TEAD1: variants seen among roughly 807,000 people sequenced by gnomAD.
TEAD1 encodes TEA domain transcription factor 1.
In TEAD1, 9 loss-of-function variants were observed where a neutral mutation model predicts 54.9. The observed-to-expected ratio is 0.16, with a 90% CI of 0.10 to 0.29. The LOEUF (loss-of-function observed/expected upper bound fraction) is 0.29, where lower values mean the gene tolerates loss of function less well. Among genes scored for constraint, TEAD1 ranks in the 10% least tolerant of loss-of-function variants. The pLI, the probability that TEAD1 is intolerant of heterozygous loss-of-function variation, is 1.00. For missense variants in TEAD1, 387 were observed against 535.9 expected (o/e 0.72, Z 2.74); for synonymous variants, 200 against 187.8 (o/e 1.07, Z -0.53).
intron 3 of TEAD1, among the ~76,000 whole-genome samples, chr11:12,789,907 T>G (rs1395262935): frequency 1.3e-5 from 2 of 152,184 alleles, no homozygotes; most frequent in African/African-American, 2.4e-5. Context: ...CCCACCTTGG[T>G]GGGGGGCTGC....
intron 3 of TEAD1, among the ~76,000 whole-genome samples, chr11:12,791,778 T>G (rs1390379418): frequency 6.6e-6 from 1 of 152,156 alleles, no homozygotes; most frequent in East Asian, 1.9e-4. Flanking sequence ...GGAAAATGCA[T>G]CCTTAATTAA....
chr11:12,717,984 G>A (rs1453350028), intron 2 of TEAD1, among the ~76,000 whole-genome samples: 1 of 152,230 alleles, frequency 6.6e-6, no homozygotes, highest in African/African-American at 2.4e-5. Flanking sequence ...AACCATGTCT[G>A]GCTCATAGTG....
chr11:12,821,566 C>T (rs1946545713), intron 3 of TEAD1, among the ~76,000 whole-genome samples: 1 of 152,108 alleles, frequency 6.6e-6, no homozygotes, highest in African/African-American at 2.4e-5. Context: ...ATTGGGGGTT[C>T]CCTGAGCATG....
At chr11:12,879,646 G>C (rs562394444) in intron 5 of TEAD1, 62 bp from the exon 6 acceptor site, 90 of 1,611,332 alleles carry the variant, frequency 5.6e-5, no homozygotes, top group Non-Finnish European at 7.1e-5. Flanking sequence ...GGCTGTGCCT[G>C]TGTAACCTGC....
intron 9 of TEAD1, among the ~76,000 whole-genome samples, chr11:12,887,956 A>G (rs962514929): frequency 2.8e-4 from 42 of 152,340 alleles, no homozygotes; most frequent in Admixed American, 2.7e-3. Context: ...ACTTCTTTGT[A>G]ACGGCTTAGG....
intron 2 of TEAD1, among the ~76,000 whole-genome samples, chr11:12,700,564 T>C (rs1034065665): frequency 1.3e-5 from 2 of 152,256 alleles, no homozygotes; most frequent in African/African-American, 4.8e-5. Context: ...TTTTAGTTTC[T>C]GCTACCCTTT....
intron 9 of TEAD1, among the ~76,000 whole-genome samples, chr11:12,888,027 C>A (rs1948125538): frequency 6.6e-6 from 1 of 152,152 alleles, no homozygotes. Context: ...ATAGGTAGTG[C>A]TGGCAAAAAA....
chr11:12,730,694 CTTTTT>C (rs71313457), intron 2 of TEAD1, among the ~76,000 whole-genome samples: 4 of 65,664 alleles, frequency 6.1e-5, no homozygotes, highest in African/African-American at 1.9e-4. Flanking sequence ...CTACATAGCT[CTTTTT>C]TTTTTTTTTT....
chr11:12,793,234 A>G (rs970387219), intron 3 of TEAD1, among the ~76,000 whole-genome samples: 1 of 152,134 alleles, frequency 6.6e-6, no homozygotes, highest in Non-Finnish European at 1.5e-5. Flanking sequence ...TGAGTGAGAT[A>G]CATAATTATT....
At chr11:12,926,843 A>T (rs78233313) in intron 11 of TEAD1, among the ~76,000 whole-genome samples, 1 of 152,196 alleles carries the variant, frequency 6.6e-6, no homozygotes. Flanking sequence ...TGGCTGTATC[A>T]TGAAACATGG....
intron 3 of TEAD1, among the ~76,000 whole-genome samples, chr11:12,803,184 A>C (rs1590166944): frequency 6.6e-6 from 1 of 151,526 alleles, no homozygotes; most frequent in Non-Finnish European, 1.5e-5. Context: ...CCTTTCCCCG[A>C]GAGGCTTTCT....
intron 10 of TEAD1, among the ~76,000 whole-genome samples, chr11:12,906,338 A>G (rs967948216): frequency 6.6e-6 from 1 of 152,008 alleles, no homozygotes; most frequent in Admixed American, 6.6e-5. Flanking sequence ...TCAGGAGATC[A>G]AGACCATCCT....
At chr11:12,730,257 G>T (rs951908769) in intron 2 of TEAD1, among the ~76,000 whole-genome samples, 1 of 152,100 alleles carries the variant, frequency 6.6e-6, no homozygotes. Context: ...CCCAGGCTTT[G>T]TCTTGAATTG....
At chr11:12,821,940 C>T (rs1422709073) in intron 3 of TEAD1, among the ~76,000 whole-genome samples, 1 of 136,510 alleles carries the variant, frequency 7.3e-6, no homozygotes, top group Non-Finnish European at 1.6e-5. Flanking sequence ...TTCCTATACT[C>T]TCTCTCCTTT....
intron 3 of TEAD1, among the ~76,000 whole-genome samples, chr11:12,792,054 G>A (rs1409075384): frequency 6.6e-6 from 1 of 152,152 alleles, no homozygotes; most frequent in African/African-American, 2.4e-5. Context: ...GGGATGGGAG[G>A]TCAGGCTGCA....
At chr11:12,708,889 G>A (rs1282845659) in intron 2 of TEAD1, among the ~76,000 whole-genome samples, 2 of 152,198 alleles carry the variant, frequency 1.3e-5, no homozygotes, top group South Asian at 2.1e-4. Flanking sequence ...TGTGTATTGA[G>A]TGCATATTAT....
At chr11:12,719,770 A>G (rs925135611) in intron 2 of TEAD1, among the ~76,000 whole-genome samples, 4 of 150,698 alleles carry the variant, frequency 2.7e-5, no homozygotes, top group Non-Finnish European at 4.4e-5. Flanking sequence ...TTGGCCAGCT[A>G]TACAATCTTG....
rs147449168 is a variant in TEAD1 at position 12,848,407 on chromosome 11, C to T, written c.203-13843C>T. Among the ~76,000 whole-genome samples, 1,143 of 152,248 alleles carry T rather than the reference C, an allele frequency of 7.5e-3. 7 individuals carry two copies. Among genetic ancestry groups the T allele is most frequent in the Non-Finnish European group, 0.012 (814 of 68,018 alleles). On this transcript the variant is annotated intron_variant, in intron 3 of 12. Transcript: ENST00000527636. Reference sequence around the variant, plus strand: ...AAAGTGATGTGTGTACAATTCAGTCCATTTCATGGCTGGATTCTGCCGCCA... The same window carrying T: ...AAAGTGATGTGTGTACAATTCAGTCTATTTCATGGCTGGATTCTGCCGCCA...
At chr11:12,884,932 G>C (rs911230903) in intron 9 of TEAD1, among the ~76,000 whole-genome samples, 2 of 152,162 alleles carry the variant, frequency 1.3e-5, no homozygotes, top group Admixed American at 1.3e-4. Context: ...TGAAGGCTGG[G>C]CTTTGGCCCA....
Sources: allele counts gnomAD v4.1 joint callset (sites outside exome capture counted in the v4.1 genomes callset), GRCh38; gene constraint gnomAD v4.1.1; transcripts MANE v1.5; gene names NCBI Gene and HGNC (gene_info 2026-07-23, HGNC 2026-07-21).